IQCK: variants seen among roughly 807,000 people sequenced by gnomAD.
IQCK encodes IQ motif containing K.
IQCK carries 29 observed loss-of-function variants against 28.1 expected under a neutral mutation model. The ratio of observed to expected loss-of-function variants is 1.03; its 90% CI spans 0.77 to 1.41. The LOEUF (loss-of-function observed/expected upper bound fraction) is 1.41. IQCK is among the 40% of genes most tolerant of loss of function. IQCK has a pLI of 0.00. For synonymous variants in IQCK, 113 were observed against 115.1 expected, an observed-to-expected ratio of 0.98 and a Z score of 0.12; for missense variants, 359 against 314.7, an observed-to-expected ratio of 1.14 and a Z score of -1.07.
chr16:19,764,692 C>CT (rs1277213098), intron 6 of IQCK, among the ~76,000 whole-genome samples: 7,663 of 131,756 alleles, frequency 0.058, 745 homozygotes, highest in African/African-American at 0.2. Context: ...CCTTTAATTT[C>CT]TTTTTTTTTT....
intron 1 of IQCK, among the ~76,000 whole-genome samples, chr16:19,722,968 T>C (rs1296262315): frequency 6.6e-6 from 1 of 152,148 alleles, no homozygotes; most frequent in Non-Finnish European, 1.5e-5. Flanking sequence ...CGCCTCAGCC[T>C]CCCAAAGTGC....
chr16:19,824,182 T>C (rs1458818703), intron 7 of IQCK, among the ~76,000 whole-genome samples: 1 of 152,198 alleles, frequency 6.6e-6, no homozygotes, highest in African/African-American at 2.4e-5. Flanking sequence ...GTGGCAACCC[T>C]GAGCTTGTTT....
At chr16:19,786,669 G>T (rs959897586) in intron 6 of IQCK, among the ~76,000 whole-genome samples, 1 of 143,522 alleles carries the variant, frequency 7.0e-6, no homozygotes, top group African/African-American at 2.9e-5. Context: ...CTGTACTCTA[G>T]CCTGGGGGAC....
chr16:19,761,370 G>A (rs1001767176), intron 4 of IQCK: 2 of 455,510 alleles, frequency 4.4e-6, no homozygotes, highest in African/African-American at 4.0e-5. Context: ...GGACCTATCT[G>A]GAGGGTACAG....
At chr16:19,814,726 T>C (rs1033709083) in intron 7 of IQCK, among the ~76,000 whole-genome samples, 2 of 148,734 alleles carry the variant, frequency 1.3e-5, no homozygotes, top group Non-Finnish European at 3.0e-5. Context: ...AAAAGTAATA[T>C]AGCAATATTA....
At chr16:19,855,026 AG>A (rs1268782642) in intron 9 of IQCK, among the ~76,000 whole-genome samples, 3 of 152,248 alleles carry the variant, frequency 2.0e-5, no homozygotes, top group Non-Finnish European at 4.4e-5. Flanking sequence ...AATGATTAGT[AG>A]TACGCAAAAC....
downstream of IQCK, among the ~76,000 whole-genome samples, chr16:19,831,659 T>TA (rs60105902): frequency 2.8e-3 from 389 of 141,056 alleles, no homozygotes; most frequent in African/African-American, 6.3e-3. Flanking sequence ...TCAACTTCAT[T>TA]AAAAAAAAAA....
intron 6 of IQCK, among the ~76,000 whole-genome samples, chr16:19,781,556 T>C (rs975008769): frequency 3.3e-5 from 5 of 152,220 alleles, no homozygotes; most frequent in Non-Finnish European, 1.5e-5. Flanking sequence ...TTGGAGCTGT[T>C]CGTATGTTCA....
intron 4 of IQCK, among the ~76,000 whole-genome samples, chr16:19,744,494 G>A (rs2057055543): frequency 6.6e-6 from 1 of 152,112 alleles, no homozygotes; most frequent in Non-Finnish European, 1.5e-5. Flanking sequence ...TAATAGGCAG[G>A]TATTTCCCTA....
chr16:19,824,863 T>C (rs1327909374), intron 7 of IQCK, among the ~76,000 whole-genome samples: 1 of 152,168 alleles, frequency 6.6e-6, no homozygotes, highest in Non-Finnish European at 1.5e-5. Context: ...TCTGCACCTC[T>C]TGCAGAGGCC....
intron 7 of IQCK, among the ~76,000 whole-genome samples, chr16:19,818,624 C>T (rs2056022121): frequency 6.6e-6 from 1 of 152,132 alleles, no homozygotes; most frequent in South Asian, 2.1e-4. Context: ...AACTCCTGAC[C>T]TCAGGTGATC....
At chr16:19,756,896 CAAAA>C (rs34600488) in intron 4 of IQCK, among the ~76,000 whole-genome samples, 26 of 96,176 alleles carry the variant, frequency 2.7e-4, no homozygotes, top group South Asian at 7.0e-4. Context: ...GGCTCCATGT[CAAAA>C]AAAAAAAAAA....
chr16:19,755,333 G>T (rs1343708397), intron 4 of IQCK, among the ~76,000 whole-genome samples: 2 of 152,150 alleles, frequency 1.3e-5, no homozygotes, highest in African/African-American at 4.8e-5. Flanking sequence ...ACTCTTAGAT[G>T]GCAAATGACT....
At chr16:19,817,643 T>C (rs989547213) in intron 7 of IQCK, among the ~76,000 whole-genome samples, 5 of 152,130 alleles carry the variant, frequency 3.3e-5, no homozygotes, top group African/African-American at 1.2e-4. Flanking sequence ...GTTGAGTATT[T>C]AGGTAATGGA....
intron 1 of IQCK, among the ~76,000 whole-genome samples, chr16:19,729,246 T>C (rs2151678543): frequency 6.6e-6 from 1 of 152,290 alleles, no homozygotes; most frequent in South Asian, 2.1e-4. Context: ...TAGCTGGGAT[T>C]ACAGGTGCCC....
intron 9 of IQCK, among the ~76,000 whole-genome samples, chr16:19,846,981 G>T (rs1197531081): frequency 6.6e-6 from 1 of 152,098 alleles, no homozygotes; most frequent in Non-Finnish European, 1.5e-5. Context: ...TAAGACCATG[G>T]GTTTTGGAGT....
chr16:19,719,639 A>G (rs1343559360), intron 1 of IQCK, among the ~76,000 whole-genome samples: 1 of 149,606 alleles, frequency 6.7e-6, no homozygotes, highest in African/African-American at 2.5e-5. Context: ...GATTAGTGCA[A>G]TTGAGTAACT....
At chr16:19,812,010 CAG>C (rs1372544734) in intron 7 of IQCK, among the ~76,000 whole-genome samples, 8 of 133,126 alleles carry the variant, frequency 6.0e-5, no homozygotes, top group Non-Finnish European at 1.1e-4. Flanking sequence ...TTTTTTGAGA[CAG>C]AGTCTCACTC....
At chr16:19,742,731 C>A (rs2054854803) in intron 4 of IQCK, among the ~76,000 whole-genome samples, 1 of 152,212 alleles carries the variant, frequency 6.6e-6, no homozygotes, top group African/African-American at 2.4e-5. Context: ...GCGTTTTGCC[C>A]TTAAACTGCT....
Sources: gnomAD v4.1 joint callset for allele counts (sites outside exome capture counted in the v4.1 genomes callset) on GRCh38, gnomAD v4.1.1 for gene constraint, MANE v1.5 for transcripts, NCBI Gene and HGNC (gene_info 2026-07-23, HGNC 2026-07-21) for gene names.